The following BRINP3 variants were observed in gnomAD, a reference collection of about 807,000 sequenced individuals.
The protein encoded by BRINP3 is BMP/retinoic acid-inducible neural-specific protein 3.
BRINP3 carries 19 observed loss-of-function variants against 71.0 expected under a neutral mutation model. That is an observed-to-expected ratio of 0.27 (90% CI 0.19 to 0.39). BRINP3 has a LOEUF of 0.39. Among genes scored for constraint, BRINP3 ranks in the 10% least tolerant of loss-of-function variants. The pLI is 1.00. For synonymous variants in BRINP3, 380 were observed against 337.7 expected (o/e 1.13, Z -1.37); for missense variants, 959 against 940.8 (o/e 1.02, Z -0.25).
intron 5 of BRINP3, 121 bp downstream of exon 5, chr1:190,234,251 T>A: frequency 2.0e-6 from 1 of 512,556 alleles, no homozygotes; most frequent in East Asian, 3.2e-5. Flanking sequence ...AATTAGCCTT[T>A]AATGAGAGTT....
At chr1:190,355,706 C>A (rs1668682354) in intron 2 of BRINP3, among the ~76,000 whole-genome samples, 1 of 151,798 alleles carries the variant, frequency 6.6e-6, no homozygotes, top group Admixed American at 6.6e-5. Context: ...TATATGGGAA[C>A]ATTAAGACAC....
chr1:190,123,429 G>A (rs550871404), intron 7 of BRINP3, among the ~76,000 whole-genome samples: 6 of 152,182 alleles, frequency 3.9e-5, no homozygotes, highest in South Asian at 2.1e-4. Context: ...ATGTTAGCTC[G>A]TCGGTATGGT....
chr1:190,400,495 G>T (rs111927446), intron 2 of BRINP3, among the ~76,000 whole-genome samples: 5 of 152,102 alleles, frequency 3.3e-5, no homozygotes, highest in Non-Finnish European at 7.4e-5. Flanking sequence ...GGAAAATTCC[G>T]GTTGTTTCAA....
chr1:190,375,653 A>G (rs1047790763), intron 2 of BRINP3, among the ~76,000 whole-genome samples: 2 of 151,954 alleles, frequency 1.3e-5, no homozygotes, highest in African/African-American at 2.4e-5. Context: ...TCATCACCTC[A>G]TATAACTGGA....
chr1:190,396,337 C>T (rs1671564948), intron 2 of BRINP3, among the ~76,000 whole-genome samples: 1 of 151,766 alleles, frequency 6.6e-6, no homozygotes, highest in African/African-American at 2.4e-5. Flanking sequence ...GTTTACAGTA[C>T]ATATGTATAC....
rs1653465683 is a variant in BRINP3, at chr1:190,119,662, A to C, written c.1185-20528T>G. On this transcript the variant is annotated intron_variant, in intron 7 of 7. Coordinates refer to ENST00000367462, the MANE Select transcript of BRINP3 (RefSeq NM_199051.3). Reference sequence around the variant, plus strand: ...AGTGCAGGTGTTTATATTTCAGACAAATTTTTAGTGAACTGTTAAGGCATT... The same window carrying C: ...AGTGCAGGTGTTTATATTTCAGACACATTTTTAGTGAACTGTTAAGGCATT... Among the ~76,000 whole-genome samples the C allele has an allele frequency of 2.0e-5, 3 of 152,180 alleles. No individual in the cohort carries two copies. The South Asian group carries it at 6.2e-4, about 31-fold the overall frequency.
chr1:190,430,411 A>T (rs1352609972), intron 2 of BRINP3, among the ~76,000 whole-genome samples: 1 of 152,158 alleles, frequency 6.6e-6, no homozygotes, highest in African/African-American at 2.4e-5. Flanking sequence ...GTCAAGGTGA[A>T]TTAGAAAAAT....
At chr1:190,377,802 A>G (rs1194053947) in intron 2 of BRINP3, among the ~76,000 whole-genome samples, 2 of 151,894 alleles carry the variant, frequency 1.3e-5, no homozygotes, top group Admixed American at 6.6e-5. Flanking sequence ...GAAATAAATT[A>G]CTTAGAAATA....
chr1:190,446,180 A>C (rs1675208963), intron 2 of BRINP3, among the ~76,000 whole-genome samples: 1 of 152,084 alleles, frequency 6.6e-6, no homozygotes, highest in African/African-American at 2.4e-5. Context: ...ATTATAATTA[A>C]ATAACAAAAA....
At chr1:190,129,848 G>A (rs946079756) in intron 7 of BRINP3, among the ~76,000 whole-genome samples, 2 of 151,778 alleles carry the variant, frequency 1.3e-5, no homozygotes, top group Non-Finnish European at 1.5e-5. Context: ...TAAATATATC[G>A]ATAAGACAGC....
intron 1 of BRINP3, among the ~76,000 whole-genome samples, chr1:190,467,760 A>G (rs1211884795): frequency 6.6e-6 from 1 of 151,644 alleles, no homozygotes; most frequent in East Asian, 1.9e-4. Flanking sequence ...AACTGTCTTC[A>G]AACTCAAAAG....
intron 7 of BRINP3, among the ~76,000 whole-genome samples, chr1:190,100,331 A>AT (rs1474070392): frequency 6.6e-6 from 1 of 151,894 alleles, no homozygotes; most frequent in African/African-American, 2.4e-5. Context: ...TTCATAGTGC[A>AT]TTTTTCTGCT....
intron 4 of BRINP3, among the ~76,000 whole-genome samples, chr1:190,262,570 A>T (rs10920674): frequency 0.43 from 64,700 of 151,772 alleles, 14,203 homozygotes; most frequent in Admixed American, 0.49. Flanking sequence ...CCCCCTTTCC[A>T]CCCATCTCCA....
intron 6 of BRINP3, among the ~76,000 whole-genome samples, chr1:190,199,400 AC>A (rs1400192587): frequency 1.3e-5 from 2 of 152,076 alleles, no homozygotes; most frequent in Non-Finnish European, 2.9e-5. Context: ...TACTTCATCC[AC>A]CACAAAATCT....
chr1:190,186,098 G>T (rs972570859), intron 6 of BRINP3, among the ~76,000 whole-genome samples: 1 of 151,958 alleles, frequency 6.6e-6, no homozygotes, highest in Non-Finnish European at 1.5e-5. Context: ...AGTAAAGGCT[G>T]GTCACGGTGG....
chr1:190,107,452 C>G (rs910986325), intron 7 of BRINP3, among the ~76,000 whole-genome samples: 9 of 151,862 alleles, frequency 5.9e-5, no homozygotes, highest in African/African-American at 1.9e-4. Context: ...TTCAATTTTT[C>G]TTACCCTAAA....
At chr1:190,123,379 T>C (rs1653839557) in intron 7 of BRINP3, among the ~76,000 whole-genome samples, 1 of 152,126 alleles carries the variant, frequency 6.6e-6, no homozygotes, top group African/African-American at 2.4e-5. Context: ...CTCAGGAGTC[T>C]GTGTCTTCTG....
Position 190,300,925 on chromosome 1 carries a change from G to A in BRINP3, c.237-19175C>T, listed in dbSNP as rs538177117. The stretch of plus-strand genomic sequence containing the variant: ...ACCAGCAACGAAACAAAGCTGGATG[G>A]AGAATGACTTTGACGAGCTGAGAGA... On this transcript the variant is annotated intron_variant, in intron 2 of 7. Coordinates refer to ENST00000367462, the MANE Select transcript of BRINP3 (RefSeq NM_199051.3). Among the ~76,000 whole-genome samples the A allele has an allele frequency of 3.4e-3, 510 of 152,022 alleles. 1 individual carries two copies. Among genetic ancestry groups the A allele is most frequent in the Middle Eastern group, 0.01 (3 of 294 alleles).
At chr1:190,309,282 G>T (rs1490669763) in intron 2 of BRINP3, among the ~76,000 whole-genome samples, 2 of 151,752 alleles carry the variant, frequency 1.3e-5, no homozygotes, top group Non-Finnish European at 1.5e-5. Flanking sequence ...AATGGTAGTT[G>T]TCGGGAGACA....
Sources: allele counts gnomAD v4.1 joint callset (sites outside exome capture counted in the v4.1 genomes callset), GRCh38; gene constraint gnomAD v4.1.1; transcripts MANE v1.5; gene names NCBI Gene and HGNC (gene_info 2026-07-23, HGNC 2026-07-21).